The following RBFOX1 variants were observed in gnomAD, a reference collection of about 807,000 sequenced individuals.
RBFOX1 encodes RNA binding fox-1 homolog 1.
RBFOX1 carries 8 observed loss-of-function variants against 57.7 expected under a neutral mutation model. The observed-to-expected ratio is 0.14, with a 90% CI of 0.08 to 0.25. RBFOX1 has a LOEUF of 0.25. RBFOX1 is among the 10% of genes least tolerant of loss of function. RBFOX1 has a pLI of 1.00. For missense variants in RBFOX1, 611 were observed against 548.5 expected, an observed-to-expected ratio of 1.11 and a Z score of -1.14; for synonymous variants, 326 against 222.4, an observed-to-expected ratio of 1.47 and a Z score of -4.15.
chr16:6,384,756 A>T (rs1052579136), intron 2 of RBFOX1, among the ~76,000 whole-genome samples: 1 of 152,196 alleles, frequency 6.6e-6, no homozygotes, highest in African/African-American at 2.4e-5. Flanking sequence ...TTAATTAAAG[A>T]CCAAGGCTTC....
At chr16:5,439,524 A>G (rs527472672) in intron 1 of RBFOX1, among the ~76,000 whole-genome samples, 8 of 152,212 alleles carry the variant, frequency 5.3e-5, no homozygotes, top group East Asian at 1.9e-4. Context: ...CATGATAGGT[A>G]TCTCGTAGGT....
At chr16:7,061,853 GA>G (rs559610274) in intron 4 of RBFOX1, among the ~76,000 whole-genome samples, 16 of 151,402 alleles carry the variant, frequency 1.1e-4, no homozygotes, top group African/African-American at 2.4e-4. Context: ...CATTTCAGGA[GA>G]AAAAAAAATA....
chr16:6,987,536 C>G (rs146759796), intron 3 of RBFOX1, among the ~76,000 whole-genome samples: 1 of 150,724 alleles, frequency 6.6e-6, no homozygotes, highest in Admixed American at 6.6e-5. Context: ...CAAACATAAT[C>G]ATATACACGG....
At chr16:5,959,828 G>T (rs996505944) in intron 4 of RBFOX1, among the ~76,000 whole-genome samples, 1 of 152,126 alleles carries the variant, frequency 6.6e-6, no homozygotes, top group Non-Finnish European at 1.5e-5. Context: ...AAGAAATAAA[G>T]AAAGAAAGAA....
intron 3 of RBFOX1, among the ~76,000 whole-genome samples, chr16:7,033,537 G>T (rs1182413322): frequency 6.6e-6 from 1 of 152,104 alleles, no homozygotes. Flanking sequence ...GAAAACAATG[G>T]TGAATGTGAA....
At chr16:7,406,004 C>T (rs2098333919) in intron 4 of RBFOX1, among the ~76,000 whole-genome samples, 1 of 152,130 alleles carries the variant, frequency 6.6e-6, no homozygotes, top group South Asian at 2.1e-4. Flanking sequence ...ATTGATCCTG[C>T]AACACACAGA....
intron 3 of RBFOX1, among the ~76,000 whole-genome samples, chr16:6,754,558 TTC>T (rs2075476471): frequency 6.6e-6 from 1 of 152,154 alleles, no homozygotes; most frequent in African/African-American, 2.4e-5. Flanking sequence ...CACATAGAAT[TTC>T]TCTCTACAAA....
At chr16:7,613,169 C>G (rs181592130) in intron 10 of RBFOX1, among the ~76,000 whole-genome samples, 7 of 152,052 alleles carry the variant, frequency 4.6e-5, no homozygotes, top group Non-Finnish European at 1.0e-4. Context: ...AAAACCACCC[C>G]TAGGGATATT....
intron 3 of RBFOX1, among the ~76,000 whole-genome samples, chr16:5,680,009 G>T (rs1330142925): frequency 6.6e-6 from 1 of 152,208 alleles, no homozygotes; most frequent in Non-Finnish European, 1.5e-5. Flanking sequence ...ATCTCCCTAT[G>T]AGTGTGTTGA....
rs1244748851 is a variant in RBFOX1, at chr16:6,465,598, C to CTGTGGG, written c.-64+148545_-64+148546insGGTGTG. ...TCTTCTCAGTTATAGATGTATAGGG[C>CTGTGGG]TGTGTGTGTGTGTGTGTGTGTGTGT... is the stretch of plus-strand genomic sequence containing the variant. On this transcript the variant is annotated intron_variant, in intron 2 of 15. Transcript: ENST00000550418. Among the ~76,000 whole-genome samples, 3 of 145,072 alleles carry CTGTGGG rather than the reference C, an allele frequency of 2.1e-5. No homozygotes were observed. In the East Asian group the frequency reaches 6.4e-4, roughly 31 times the overall value.
intron 3 of RBFOX1, among the ~76,000 whole-genome samples, chr16:5,779,200 C>T (rs1245512147): frequency 6.6e-6 from 1 of 152,188 alleles, no homozygotes; most frequent in East Asian, 1.9e-4. Flanking sequence ...CTTCCCCCCT[C>T]ACGTCGTGTG....
rs1161966388 is a variant in RBFOX1, at chr16:7,711,789, A to G, written c.*1044A>G. On this transcript the variant is annotated 3_prime_UTR_variant, in exon 16 of 16. Transcript: ENST00000550418. The stretch of plus-strand genomic sequence containing the variant: ...TATAATTTTTATGGAATTACATGAT[A>G]ATCATATTCGGATTTATAGAAGCAT... 6.6e-6 allele frequency: 1 copy of G among 152,604 alleles called. No homozygotes were observed. The highest frequency in any genetic ancestry group is 1.5e-5 in the Non-Finnish European group (1 of 68,040). The allele number at this position is 152,604 out of a possible 1,614,324, so 9.5% of individuals were successfully genotyped here.
chr16:7,106,689 T>C (rs1286990728), intron 4 of RBFOX1, among the ~76,000 whole-genome samples: 3 of 152,086 alleles, frequency 2.0e-5, no homozygotes, highest in African/African-American at 7.2e-5. Flanking sequence ...CTACGATGTG[T>C]GAGCTCCATG....
At chr16:6,256,578 G>C (rs139968052) in intron 1 of RBFOX1, among the ~76,000 whole-genome samples, 64 of 151,880 alleles carry the variant, frequency 4.2e-4, no homozygotes, top group Admixed American at 4.2e-3. Context: ...CGATTAAACC[G>C]ATATAATCAA....
intron 4 of RBFOX1, among the ~76,000 whole-genome samples, chr16:7,498,107 C>G (rs752928539): frequency 2.0e-5 from 3 of 152,104 alleles, no homozygotes; most frequent in Non-Finnish European, 2.9e-5. Flanking sequence ...TGAAGGCTGT[C>G]TTGGGGTTGA....
chr16:6,601,080 A>G (rs1308352207), intron 2 of RBFOX1, among the ~76,000 whole-genome samples: 1 of 152,198 alleles, frequency 6.6e-6, no homozygotes, highest in Non-Finnish European at 1.5e-5. Flanking sequence ...ACCAGAAATT[A>G]TAGAGTAGCA....
intron 2 of RBFOX1, among the ~76,000 whole-genome samples, chr16:5,562,487 G>A (rs144370854): frequency 7.6e-4 from 112 of 147,060 alleles, no homozygotes; most frequent in Middle Eastern, 7.0e-3. Flanking sequence ...ATTCTCCAGG[G>A]CCAGGAGGAG....
chr16:6,847,393 G>A (rs1166486153), intron 3 of RBFOX1, among the ~76,000 whole-genome samples: 1 of 152,052 alleles, frequency 6.6e-6, no homozygotes, highest in African/African-American at 2.4e-5. Flanking sequence ...ACATTCTGGG[G>A]CCGGGTCTAG....
chr16:5,688,997 C>G (rs968421865), intron 3 of RBFOX1, among the ~76,000 whole-genome samples: 3 of 152,174 alleles, frequency 2.0e-5, no homozygotes, highest in Non-Finnish European at 2.9e-5. Context: ...CATCTCTTCT[C>G]TTGGTTAAAA....
Sources: allele counts gnomAD v4.1 joint callset (sites outside exome capture counted in the v4.1 genomes callset), GRCh38; gene constraint gnomAD v4.1.1; transcripts MANE v1.5; gene names NCBI Gene and HGNC (gene_info 2026-07-23, HGNC 2026-07-21).